The following LEP variants were observed in gnomAD, a reference collection of about 807,000 sequenced individuals.
LEP encodes the protein leptin (murine obesity homolog).
LEP carries 6 observed loss-of-function variants against 9.8 expected under a neutral mutation model. The observed-to-expected ratio is 0.61, with a 90% CI of 0.34 to 1.21. The LOEUF is 1.21. Ranked by LOEUF, LEP falls within the 50% of genes most tolerant of loss-of-function variation. The probability of loss-of-function intolerance (pLI) is 0.04; values close to 1 mark genes in which losing one functional copy is unlikely to be tolerated. For synonymous variants in LEP, 112 were observed against 81.7 expected (o/e 1.37, Z -2.00); for missense variants, 134 against 198.1 (o/e 0.68, Z 1.94).
intron 1 of LEP, among the ~76,000 whole-genome samples, chr7:128,250,189 T>G (rs893554851): frequency 1.6e-4 from 24 of 152,198 alleles, no homozygotes; most frequent in African/African-American, 5.6e-4. Context: ...GTTTCATGAC[T>G]TCGTATCGGG....
chr7:128,252,280 C>G (rs941847006), intron 2 of LEP, 118 bp downstream of exon 2: 2 of 1,135,272 alleles, frequency 1.8e-6, no homozygotes, highest in Non-Finnish European at 2.6e-6. Context: ...ATGCCAGGCA[C>G]CTACTGGAAG....
intron 1 of LEP, 141 bp downstream of exon 1, chr7:128,241,447 T>C (rs977043650): frequency 1.3e-5 from 2 of 152,954 alleles, no homozygotes; most frequent in Admixed American, 6.5e-5. Flanking sequence ...TATGATAGCT[T>C]TGTACCGAGT....
rs201044899 is a variant in LEP, at chr7:128,257,172, G to A, written c.*2409G>A. On this transcript the variant is annotated 3_prime_UTR_variant, in exon 3 of 3. Coordinates refer to ENST00000308868, the MANE Select transcript of LEP (RefSeq NM_000230.3). ...CCTCACAACCACCTAATCAGGCTGAGGTGTCTTAAGCCTTTTGCTCACAAA... is the reference window on the plus strand; with the variant it reads ...CCTCACAACCACCTAATCAGGCTGAAGTGTCTTAAGCCTTTTGCTCACAAA... 1 of 151,998 alleles carries A rather than the reference G, an allele frequency of 6.6e-6. No individual in the cohort carries two copies. The highest frequency in any genetic ancestry group is 1.5e-5 in the Non-Finnish European group (1 of 68,038). The allele number at this position is 151,998 out of a possible 1,614,324, so 9.4% of individuals were successfully genotyped here.
At chr7:128,246,451 C>CT (rs1161647370) in intron 1 of LEP, among the ~76,000 whole-genome samples, 1 of 151,972 alleles carries the variant, frequency 6.6e-6, no homozygotes, top group East Asian at 1.9e-4. Context: ...GTTTCATTAT[C>CT]TTTTTTGGCT....
rs765889494 is a variant in LEP, at chr7:128,252,176, G to A, written c.144+14G>A. ...ATTTCACACACGGTAAGGAGAGTAT[G>A]CGGGGACAAAGTAGAACTGCAGCCA... On this transcript the variant is annotated intron_variant, in intron 2 of 2. Transcript: ENST00000308868. The A allele has an allele frequency of 5.6e-6, 9 of 1,613,852 alleles. No homozygotes were observed. In the East Asian group the frequency reaches 1.8e-4, roughly 32 times the overall value.
At position 128,255,274 on chromosome 7, in the gene LEP, G is replaced by C. The variant is rs1768600513; in HGVS notation, c.*511G>C. On this transcript the variant is annotated 3_prime_UTR_variant, in exon 3 of 3. Coordinates refer to ENST00000308868, the MANE Select transcript of LEP (RefSeq NM_000230.3). ...TTTATTTATTCTGCATTTTATTCTG[G>C]ATGGATTTGAAGCAAAGCACCAGCT... 1.2e-5 allele frequency: 2 copies of C among 166,186 alleles called. No homozygotes were observed. Among genetic ancestry groups the C allele is most frequent in the African/African-American group, 4.8e-5 (2 of 41,736 alleles). 10.3% of individuals were successfully genotyped at this position (166,186 alleles called of 1,614,324 possible). A position where few individuals can be genotyped will look rare whatever the true frequency, so the allele number is the denominator to read the frequency against.
intron 1 of LEP, among the ~76,000 whole-genome samples, chr7:128,244,097 A>AAAAT (rs565218977): frequency 6.6e-6 from 1 of 150,972 alleles, no homozygotes; most frequent in South Asian, 2.1e-4. Context: ...AAAAAAAAAA[A>AAAAT]AAGTAACTGG....
intron 1 of LEP, among the ~76,000 whole-genome samples, chr7:128,247,141 C>T (rs935735967): frequency 1.4e-4 from 22 of 152,356 alleles, no homozygotes; most frequent in Non-Finnish European, 2.5e-4. Context: ...GCTTTGGAAA[C>T]TTCTGGAGAG....
intron 1 of LEP, among the ~76,000 whole-genome samples, chr7:128,243,474 A>T (rs1421135258): frequency 6.6e-6 from 1 of 152,146 alleles, no homozygotes; most frequent in Admixed American, 6.5e-5. Context: ...AGCCAGGCTC[A>T]TGAAAGGGGC....
In LEP at chr7:128,254,434, G is replaced by A. The variant is rs200575914; in HGVS notation, c.175G>A (p.Gly59Ser). 11 of 1,613,670 alleles carry A rather than the reference G, an allele frequency of 6.8e-6. No homozygotes were observed. The highest frequency in any genetic ancestry group is 2.7e-5 in the African/African-American group (2 of 74,916). Residue 59 changes from glycine (G) to serine (S), a missense_variant, in exon 3 of 3, where the codon GGT becomes AGT. Physicochemically the swap from Gly to Ser is moderately conservative, Grantham distance 56. Transcript: ENST00000308868. Reference protein sequence around the residue: ...QSVSSKQKVTGLDFIPGLHPI... With the variant: ...QSVSSKQKVTSLDFIPGLHPI... The stretch of plus-strand genomic sequence containing the variant: ...AGTCTCCTCCAAACAGAAAGTCACC[G>A]GTTTGGACTTCATTCCTGGGCTCCA...
At chr7:128,245,040 ATG>A (rs150818455) in intron 1 of LEP, among the ~76,000 whole-genome samples, 10 of 151,712 alleles carry the variant, frequency 6.6e-5, no homozygotes, top group South Asian at 4.2e-4. Flanking sequence ...AGGGTTGTGT[ATG>A]TGTGTGTGTG....
At position 128,256,912 on chromosome 7, in the gene LEP, AG is replaced by A. The variant is rs1418189293; in HGVS notation, c.*2150del. 2 of 152,380 alleles carry A rather than the reference AG, an allele frequency of 1.3e-5. No homozygotes were observed. The highest frequency in any genetic ancestry group is 3.8e-4 in the East Asian group (2 of 5,196). The allele number at this position is 152,380 out of a possible 1,614,324, so 9.4% of individuals were successfully genotyped here. A position where few individuals can be genotyped will look rare whatever the true frequency, so the allele number is the denominator to read the frequency against. On this transcript the variant is annotated 3_prime_UTR_variant, in exon 3 of 3. Transcript: ENST00000308868. ...GAGGTGAGGGATGTGAATTGCCTGC[AG>A]AGAGAAGCCTGTTTTGTTGGAAGGT...
intron 1 of LEP, among the ~76,000 whole-genome samples, chr7:128,241,552 C>T (rs1795151681): frequency 6.6e-6 from 1 of 152,222 alleles, no homozygotes; most frequent in Non-Finnish European, 1.5e-5. Context: ...CAGAACCAGC[C>T]AGGTCCCTGG....
intron 2 of LEP, 84 bp from the exon 3 acceptor site, chr7:128,254,320 C>G (rs1441122875): frequency 1.3e-6 from 2 of 1,573,964 alleles, no homozygotes; most frequent in Non-Finnish European, 1.7e-6. Flanking sequence ...GAATGACCCT[C>G]CATGCCCACG....
chr7:128,248,452 T>C (rs1258617229), intron 1 of LEP, among the ~76,000 whole-genome samples: 2 of 150,070 alleles, frequency 1.3e-5, no homozygotes, highest in Non-Finnish European at 3.0e-5. Context: ...AAAAAAAAAT[T>C]AGCCAGGCTG....
chr7:128,244,752 G>T (rs1008531785), intron 1 of LEP, among the ~76,000 whole-genome samples: 4 of 152,170 alleles, frequency 2.6e-5, no homozygotes, highest in African/African-American at 9.7e-5. Context: ...CCATACTCTG[G>T]CTCAGTGGCT....
chr7:128,253,065 C>T (rs879774441), intron 2 of LEP, among the ~76,000 whole-genome samples: 7 of 152,146 alleles, frequency 4.6e-5, no homozygotes, highest in Admixed American at 2.6e-4. Context: ...CTTCTGCGCT[C>T]GCCTTCCTCC....
At position 128,252,126 on chromosome 7, in the gene LEP, G is replaced by A. The variant is rs1316215370; in HGVS notation, c.108G>A (p.Lys36=). ...KVQDDTKTLI[K]TIVTRINDIS... The stretch of plus-strand genomic sequence containing the variant: ...AAGATGACACCAAAACCCTCATCAA[G>A]ACAATTGTCACCAGGATCAATGACA... The change falls in exon 2 of 3, where the codon AAG becomes AAA. Residue 36 remains lysine (K), a synonymous_variant. Transcript: ENST00000308868. 6.2e-7 allele frequency: 1 copy of A among 1,614,078 alleles called. No homozygotes were observed. Among genetic ancestry groups the A allele is most frequent in the African/African-American group, 1.3e-5 (1 of 74,926 alleles).
chr7:128,251,216 G>A (rs1162941180), intron 1 of LEP, among the ~76,000 whole-genome samples: 1 of 152,200 alleles, frequency 6.6e-6, no homozygotes, highest in African/African-American at 2.4e-5. Context: ...GGCTTAGAAT[G>A]GCCCATTGAC....
Sources: gnomAD v4.1 joint callset for allele counts (sites outside exome capture counted in the v4.1 genomes callset) on GRCh38, gnomAD v4.1.1 for gene constraint, MANE v1.5 for transcripts, NCBI Gene and HGNC (gene_info 2026-07-23, HGNC 2026-07-21) for gene names.